ABR: variants seen among roughly 807,000 people sequenced by gnomAD.
ABR encodes the protein ABR activator of RhoGEF and GTPase, also known as active breakpoint cluster region-related protein.
In ABR, 35 loss-of-function variants were observed where a neutral mutation model predicts 107.2. The observed-to-expected ratio is 0.33, with a 90% CI of 0.25 to 0.43. ABR has a LOEUF of 0.43. ABR is among the 20% of genes least tolerant of loss of function. The pLI, the probability that ABR is intolerant of heterozygous loss-of-function variation, is 1.00. For synonymous variants in ABR, 498 were observed against 462.0 expected (o/e 1.08, Z -1.00); for missense variants, 815 against 1,115.2 (o/e 0.73, Z 3.83).
rs4968173 is a variant in ABR at position 1,176,438 on chromosome 17, C to T, written c.61+3229G>A. On this transcript the variant is annotated intron_variant, in intron 1 of 22. Transcript: ENST00000302538. Reference sequence around the variant, plus strand: ...TTCTAGGGTACAACCTGAATTCCAGCTCAGCCATTTGTTACTTATGTGATC... The same window carrying T: ...TTCTAGGGTACAACCTGAATTCCAGTTCAGCCATTTGTTACTTATGTGATC... 3.3e-3 allele frequency among the ~76,000 whole-genome samples: 501 copies of T among 152,362 alleles called. 11 individuals are homozygous for T. Among genetic ancestry groups the T allele is most frequent in the Admixed American group, 0.02 (312 of 15,308 alleles).
At chr17:1,173,089 C>CA (rs1567857680) in intron 1 of ABR, among the ~76,000 whole-genome samples, 1 of 20,388 alleles carries the variant, frequency 4.9e-5, no homozygotes, top group African/African-American at 1.9e-4. Flanking sequence ...TCCACCCCCC[C>CA]CATCATCTCA....
chr17:1,050,475 C>G lies in ABR; in HGVS notation c.1659+62G>C. 2 of 1,472,446 alleles carry G rather than the reference C, an allele frequency of 1.4e-6. No individual in the cohort carries two copies. The highest frequency in any genetic ancestry group is 1.9e-6 in the Non-Finnish European group (2 of 1,051,754). The allele number at this position is 1,472,446 out of a possible 1,614,324, so 91.2% of individuals were successfully genotyped here. A position where few individuals can be genotyped will look rare whatever the true frequency, so the allele number is the denominator to read the frequency against. ...CAACCAATGGGCTGGCCGTCCCCAG[C>G]AGACAAGCCACGAGCACGGGGTGGT... is the stretch of plus-strand genomic sequence containing the variant. On this transcript the variant is annotated intron_variant, in intron 15 of 22. Coordinates refer to ENST00000302538, the MANE Select transcript of ABR (RefSeq NM_021962.5). The surrounding 1 kb of genome is among the most constrained non-coding windows in gnomAD (Gnocchi z 4.6).
chr17:1,125,518 G>C (rs2039559175), intron 1 of ABR, 151 bp from the exon 2 acceptor site: 1 of 675,166 alleles, frequency 1.5e-6, no homozygotes, highest in Non-Finnish European at 2.2e-6. Flanking sequence ...GCGGGGGCCT[G>C]GGCCTGGTGA....
intron 1 of ABR, among the ~76,000 whole-genome samples, chr17:1,197,918 C>T (rs552184596): frequency 1.3e-5 from 2 of 151,692 alleles, no homozygotes; most frequent in Non-Finnish European, 2.9e-5. Context: ...GCAAATACAC[C>T]CTGCTGACTG....
rs1488404002 is a variant in ABR at position 1,222,074 on chromosome 17, C to CTTTTTTTT, written c.838+6718_838+6719insAAAAAAAA. 1.7e-4 allele frequency among the ~76,000 whole-genome samples: 24 copies of CTTTTTTTT among 144,762 alleles called. 1 individual carries two copies. Among genetic ancestry groups the CTTTTTTTT allele is most frequent in the South Asian group, 2.2e-4 (1 of 4,628 alleles). 95.0% of individuals were successfully genotyped at this position (144,762 alleles called of 152,430 possible). A position where few individuals can be genotyped will look rare whatever the true frequency, so the allele number is the denominator to read the frequency against. On this transcript the variant is annotated intron_variant, in intron 1 of 22. Coordinates refer to the ABR transcript ENST00000574139. ...ATAACAGCACCATGGAGGATCCCATCTTTTTTTCTGAGACGGAGTTTCACC... is the reference window on the plus strand; with the variant it reads ...ATAACAGCACCATGGAGGATCCCATCTTTTTTTTTTTTTTTCTGAGACGGAGTTTCACC...
At chr17:1,091,317 G>A (rs766197736) in intron 4 of ABR, among the ~76,000 whole-genome samples, 11 of 114,118 alleles carry the variant, frequency 9.6e-5, no homozygotes, top group African/African-American at 2.5e-4. Context: ...CGGGAAAGAC[G>A]GAGCACCCTC....
rs1355136328 is a variant in ABR at position 1,091,782 on chromosome 17, G to A, written c.414C>T (p.Thr138=). The A allele has an allele frequency of 1.2e-6, 2 of 1,614,164 alleles. No homozygotes were observed. The highest frequency in any genetic ancestry group is 1.7e-6 in the Non-Finnish European group (2 of 1,180,022). ...AGATGTCCTGGATCTTGTAGAAGAT[G>A]GTCTCGATCTGCTGGATGGTGAGCA... ...QPVLTIQQIE[T]IFYKIQDIYE... The change falls in exon 4 of 23, where the codon ACC becomes ACT. Residue 138 remains threonine (T), a synonymous_variant. Transcript: ENST00000302538.
intron 2 of ABR, chr17:1,109,215 G>T: frequency 8.8e-7 from 1 of 1,132,414 alleles, no homozygotes; most frequent in Non-Finnish European, 1.2e-6. Flanking sequence ...ACTGCATCCC[G>T]GACCTAGTCC....
chr17:1,169,989 T>C (rs905384364), intron 1 of ABR, among the ~76,000 whole-genome samples: 4 of 139,062 alleles, frequency 2.9e-5, no homozygotes, highest in Admixed American at 7.2e-5. Flanking sequence ...TTTGTGTTTG[T>C]GTTTGTGTGT....
upstream of ABR, among the ~76,000 whole-genome samples, chr17:1,191,356 T>TTC (rs2042429863): frequency 8.7e-6 from 1 of 114,898 alleles, no homozygotes; most frequent in Non-Finnish European, 1.6e-5. Context: ...TTTCTTTTCT[T>TTC]TTTTTTTTTT....
At chr17:1,007,770 T>C (rs1056628081) in intron 21 of ABR, among the ~76,000 whole-genome samples, 2 of 152,260 alleles carry the variant, frequency 1.3e-5, no homozygotes, top group Admixed American at 1.3e-4. Flanking sequence ...CTGGTAGAGC[T>C]GGGATTTGAA....
At chr17:1,106,225 C>T (rs1337201993) in intron 2 of ABR, among the ~76,000 whole-genome samples, 14 of 152,164 alleles carry the variant, frequency 9.2e-5, no homozygotes, top group Admixed American at 9.2e-4. Flanking sequence ...GGAAATGACA[C>T]TGGAAACAGG....
intron 14 of ABR, among the ~76,000 whole-genome samples, chr17:1,054,233 T>C (rs1182761131): frequency 6.6e-6 from 1 of 152,186 alleles, no homozygotes; most frequent in East Asian, 1.9e-4. Flanking sequence ...GCTTTGCACA[T>C]GTGAGTACGT....
chr17:1,031,812 GCTAGTTC>G, intron 16 of ABR: 1 of 1,227,850 alleles, frequency 8.1e-7, no homozygotes, highest in Non-Finnish European at 1.0e-6. Context: ...TGCCAGTCCC[GCTAGTTC>G]CCTAGTCCCG....
At chr17:1,134,746 GA>G (rs1174704239) in intron 1 of ABR, among the ~76,000 whole-genome samples, 4 of 152,246 alleles carry the variant, frequency 2.6e-5, no homozygotes, top group African/African-American at 9.6e-5. Flanking sequence ...CCACGCTAAG[GA>G]AGACAGTTCA....
intron 16 of ABR, among the ~76,000 whole-genome samples, chr17:1,048,281 A>G (rs983965352): frequency 6.6e-6 from 1 of 152,228 alleles, no homozygotes; most frequent in African/African-American, 2.4e-5. Context: ...CGTGTTTAGG[A>G]ACACGGGGCG....
intron 3 of ABR, among the ~76,000 whole-genome samples, chr17:1,093,961 G>A (rs1183069847): frequency 1.3e-5 from 2 of 151,960 alleles, no homozygotes; most frequent in African/African-American, 2.4e-5. Flanking sequence ...TCTGACCCTC[G>A]CCGCGCTAGA....
chr17:1,195,114 T>C lies in ABR; in HGVS notation c.838+33679A>G, dbSNP rs1464786037. ...CGAGGTCAGGAGATCGAGACCATCCTGGCTAACACGGTGAAACCCCGTCTC... is the reference window on the plus strand; with the variant it reads ...CGAGGTCAGGAGATCGAGACCATCCCGGCTAACACGGTGAAACCCCGTCTC... On this transcript the variant is annotated intron_variant, in intron 1 of 22. Coordinates refer to the ABR transcript ENST00000574139. Among the ~76,000 whole-genome samples, 205 of 141,634 alleles carry C rather than the reference T, an allele frequency of 1.4e-3. 1 individual carries two copies. The highest frequency in any genetic ancestry group is 1.2e-3 in the Non-Finnish European group (77 of 65,046). 92.9% of individuals were successfully genotyped at this position (141,634 alleles called of 152,430 possible). A position where few individuals can be genotyped will look rare whatever the true frequency, so the allele number is the denominator to read the frequency against.
intron 1 of ABR, among the ~76,000 whole-genome samples, chr17:1,195,090 G>T (rs1198170868): frequency 6.9e-6 from 1 of 144,160 alleles, no homozygotes; most frequent in South Asian, 2.4e-4. Flanking sequence ...GGCGGATCAC[G>T]AGGTCAGGAG....
Sources: gnomAD v4.1 joint callset for allele counts (sites outside exome capture counted in the v4.1 genomes callset) on GRCh38, gnomAD v4.1.1 for gene constraint, Gnocchi (gnomAD v3.1) non-coding constraint, MANE v1.5 for transcripts, NCBI Gene and HGNC (gene_info 2026-07-23, HGNC 2026-07-21) for gene names.